The following KREMEN1 variants were observed in gnomAD, a reference collection of about 807,000 sequenced individuals.
KREMEN1 encodes the protein kringle containing transmembrane protein 1.
In KREMEN1, 30 loss-of-function variants were observed where a neutral mutation model predicts 46.5. The observed-to-expected ratio is 0.65, with a 90% CI of 0.48 to 0.88. The LOEUF (loss-of-function observed/expected upper bound fraction) is 0.88. Ranked by LOEUF, KREMEN1 falls within the 40% of genes least tolerant of loss-of-function variation. The pLI is 0.00. For missense variants in KREMEN1, 533 were observed against 596.9 expected, an observed-to-expected ratio of 0.89 and a Z score of 1.11; for synonymous variants, 214 against 230.6, an observed-to-expected ratio of 0.93 and a Z score of 0.65.
Position 29,143,787 on chromosome 22 carries a change from T to A in KREMEN1, c.*1675T>A. The A allele has an allele frequency of 1.0e-6, 1 of 983,154 alleles. No homozygotes were observed. The highest frequency in any genetic ancestry group is 4.7e-5 in the South Asian group (1 of 21,190). The allele number at this position is 983,154 out of a possible 1,614,324, so 60.9% of individuals were successfully genotyped here. On this transcript the variant is annotated 3_prime_UTR_variant, in exon 9 of 9. Transcript: ENST00000400335. Reference sequence around the variant, plus strand: ...AAGGGCCATCCGTGCTCTCTGCCCCTCCTGTGGGGACCAAGTGGGGTTAGG... The same window carrying A: ...AAGGGCCATCCGTGCTCTCTGCCCCACCTGTGGGGACCAAGTGGGGTTAGG...
intron 3 of KREMEN1, among the ~76,000 whole-genome samples, chr22:29,101,354 C>T (rs939566743): frequency 1.3e-5 from 2 of 150,526 alleles, no homozygotes; most frequent in Non-Finnish European, 2.9e-5. Context: ...ATGAAATAGT[C>T]AAAAAGCTAA....
chr22:29,074,120 G>A (rs1027353565), intron 1 of KREMEN1, among the ~76,000 whole-genome samples: 1 of 152,222 alleles, frequency 6.6e-6, no homozygotes, highest in African/African-American at 2.4e-5. Context: ...CCCGCTTGGC[G>A]GACATTATAA....
rs980030057 is a variant in KREMEN1, at chr22:29,146,288, C to G, written c.*4176C>G. On this transcript the variant is annotated 3_prime_UTR_variant, in exon 9 of 9. Transcript: ENST00000400335. ...TCCCTGGTGTGGGGTGTTTTTCAAG[C>G]CTTCCAGCCACAGCTGTCTCCCCTC... 3.1e-5 allele frequency: 31 copies of G among 985,956 alleles called. No individual in the cohort carries two copies. Among genetic ancestry groups the G allele is most frequent in the Non-Finnish European group, 3.7e-5 (31 of 830,006 alleles). The allele number at this position is 985,956 out of a possible 1,614,324, so 61.1% of individuals were successfully genotyped here.
chr22:29,165,370 C>T lies in KREMEN1; in HGVS notation c.1417-1674C>T, dbSNP rs1052105777. On this transcript the variant is annotated intron_variant, in intron 9 of 9. Transcript: ENST00000327813. ...TGAGCCACGATTGTGCCACTGCACT[C>T]CAGCCTGGGTGACAGAGCAAGAGCC... Among the ~76,000 whole-genome samples the T allele has an allele frequency of 2.0e-4, 30 of 151,784 alleles. No individual in the cohort carries two copies. In the East Asian group the frequency reaches 5.8e-3, roughly 29 times the overall value.
chr22:29,164,499 A>C (rs571120472), intron 9 of KREMEN1, among the ~76,000 whole-genome samples: 1 of 152,180 alleles, frequency 6.6e-6, no homozygotes, highest in Non-Finnish European at 1.5e-5. Context: ...AGCTTAAAAC[A>C]AGGAACTGGA....
rs142225708 is a variant in KREMEN1 at position 29,130,618 on chromosome 22, T to C, written c.631+5202T>C. Among the ~76,000 whole-genome samples the C allele has an allele frequency of 8.9e-3, 1,362 of 152,282 alleles. 14 individuals carry two copies. The highest frequency in any genetic ancestry group is 0.031 in the African/African-American group (1,300 of 41,540). On this transcript the variant is annotated intron_variant, in intron 5 of 8. Coordinates refer to ENST00000400335, the MANE Select transcript of KREMEN1 (RefSeq NM_001039570.3). Reference sequence around the variant, plus strand: ...TGGCTAAGGTTTGTTTCCTGAGACATGCCCATTATCATTCCTGTCTAGAAG... The same window carrying C: ...TGGCTAAGGTTTGTTTCCTGAGACACGCCCATTATCATTCCTGTCTAGAAG...
At chr22:29,161,381 C>G (rs1461859655) in intron 9 of KREMEN1, among the ~76,000 whole-genome samples, 1 of 151,836 alleles carries the variant, frequency 6.6e-6, no homozygotes, top group African/African-American at 2.4e-5. Context: ...GTGGCAGGCG[C>G]CTGTAGTCCC....
chr22:29,081,876 T>C (rs1214911469), intron 1 of KREMEN1, among the ~76,000 whole-genome samples: 1 of 152,214 alleles, frequency 6.6e-6, no homozygotes, highest in African/African-American at 2.4e-5. Flanking sequence ...GCTCTAGAGA[T>C]ATATGGTCTA....
intron 1 of KREMEN1, among the ~76,000 whole-genome samples, chr22:29,091,967 A>G (rs896413501): frequency 3.9e-5 from 6 of 152,176 alleles, no homozygotes; most frequent in Non-Finnish European, 8.8e-5. Flanking sequence ...CGAGTGAGTA[A>G]GGGAAGAGCT....
chr22:29,129,533 C>T (rs994076348), intron 5 of KREMEN1, among the ~76,000 whole-genome samples: 2 of 152,088 alleles, frequency 1.3e-5, no homozygotes, highest in Non-Finnish European at 2.9e-5. Flanking sequence ...TGGTGAGAAA[C>T]GACCAGGTTA....
Position 29,142,294 on chromosome 22 carries a change from T to TG in KREMEN1, c.*184dup. ...CCCTGCTGCCAGGGCAGGCAGAGCCTGGATTCCTCCTGCTTCATCGATTGC... is the reference window on the plus strand; with the variant it reads ...CCCTGCTGCCAGGGCAGGCAGAGCCTGGGATTCCTCCTGCTTCATCGATTGC... On this transcript the variant is annotated 3_prime_UTR_variant, in exon 9 of 9. Coordinates refer to ENST00000400335, the MANE Select transcript of KREMEN1 (RefSeq NM_001039570.3). 7.6e-7 allele frequency: 1 copy of TG among 1,320,806 alleles called. No individual in the cohort carries two copies. The highest frequency in any genetic ancestry group is 2.8e-4 in the Middle Eastern group (1 of 3,618). The allele number at this position is 1,320,806 out of a possible 1,614,324, so 81.8% of individuals were successfully genotyped here. A position where few individuals can be genotyped will look rare whatever the true frequency, so the allele number is the denominator to read the frequency against.
intron 1 of KREMEN1, 78 bp from the exon 2 acceptor site, chr22:29,094,176 CAAAA>C: frequency 9.5e-6 from 12 of 1,264,934 alleles, no homozygotes; most frequent in Non-Finnish European, 1.3e-5. Context: ...TTGGTCCAAA[CAAAA>C]CAAAACATCA....
At chr22:29,147,286 C>T (rs1341049481), downstream of KREMEN1, among the ~76,000 whole-genome samples, 5 of 152,196 alleles carry the variant, frequency 3.3e-5, no homozygotes, top group South Asian at 6.2e-4. Context: ...TCAGAGCAAC[C>T]AGTTCTTCCT....
intron 3 of KREMEN1, among the ~76,000 whole-genome samples, chr22:29,109,042 G>A (rs1348435434): frequency 1.3e-5 from 2 of 152,198 alleles, no homozygotes; most frequent in East Asian, 1.9e-4. Context: ...CTCCCACCTC[G>A]GCCTCCCAAA....
At chr22:29,161,355 A>C (rs1391701844) in intron 9 of KREMEN1, among the ~76,000 whole-genome samples, 2 of 151,284 alleles carry the variant, frequency 1.3e-5, no homozygotes, top group Non-Finnish European at 2.9e-5. Context: ...AAAATACAAA[A>C]AATTAGCCAG....
At chr22:29,085,970 C>A (rs201266162) in intron 1 of KREMEN1, among the ~76,000 whole-genome samples, 6 of 140,954 alleles carry the variant, frequency 4.3e-5, no homozygotes, top group Non-Finnish European at 7.6e-5. Flanking sequence ...TACCCTGTCT[C>A]AAAAAAAAAA....
intron 5 of KREMEN1, among the ~76,000 whole-genome samples, chr22:29,132,389 G>A (rs1186111307): frequency 6.6e-6 from 1 of 152,138 alleles, no homozygotes; most frequent in Non-Finnish European, 1.5e-5. Flanking sequence ...TACCTACCTA[G>A]GAGTGGGATT....
At position 29,146,263 on chromosome 22, in the gene KREMEN1, T is replaced by C; in HGVS notation, c.*4151T>C. On this transcript the variant is annotated 3_prime_UTR_variant, in exon 9 of 9. Coordinates refer to ENST00000400335, the MANE Select transcript of KREMEN1 (RefSeq NM_001039570.3). ...CTCCTGGCCAGGTCTCAGCTTAGCT[T>C]CCCTGGTGTGGGGTGTTTTTCAAGC... 1.0e-6 allele frequency: 1 copy of C among 985,972 alleles called. No individual in the cohort carries two copies. The highest frequency in any genetic ancestry group is 1.2e-6 in the Non-Finnish European group (1 of 830,000). The allele number at this position is 985,972 out of a possible 1,614,324, so 61.1% of individuals were successfully genotyped here. A position where few individuals can be genotyped will look rare whatever the true frequency, so the allele number is the denominator to read the frequency against.
intron 5 of KREMEN1, among the ~76,000 whole-genome samples, chr22:29,129,967 A>G (rs1232822532): frequency 6.6e-6 from 1 of 152,268 alleles, no homozygotes; most frequent in Non-Finnish European, 1.5e-5. Flanking sequence ...GCCAGAGTCA[A>G]CAGTGGGTTA....
Sources: gnomAD v4.1 joint callset for allele counts (sites outside exome capture counted in the v4.1 genomes callset) on GRCh38, gnomAD v4.1.1 for gene constraint, MANE v1.5 for transcripts, NCBI Gene and HGNC (gene_info 2026-07-23, HGNC 2026-07-21) for gene names.